The following NCAM2 variants were observed in gnomAD, a reference collection of about 807,000 sequenced individuals.
NCAM2 encodes the protein neural cell adhesion molecule 2.
In NCAM2, 30 loss-of-function variants were observed where a neutral mutation model predicts 98.1. That is an observed-to-expected ratio of 0.31 (90% CI 0.23 to 0.41). The LOEUF (loss-of-function observed/expected upper bound fraction) is 0.41, where lower values mean the gene tolerates loss of function less well. Among genes scored for constraint, NCAM2 ranks in the 10% least tolerant of loss-of-function variants. The pLI is 1.00. For synonymous variants in NCAM2, 368 were observed against 342.4 expected (o/e 1.07, Z -0.83); for missense variants, 867 against 1,005.8 (o/e 0.86, Z 1.87).
At chr21:21,381,532 TTC>T (rs1157021583) in intron 9 of NCAM2, among the ~76,000 whole-genome samples, 1 of 152,178 alleles carries the variant, frequency 6.6e-6, no homozygotes, top group Non-Finnish European at 1.5e-5. Flanking sequence ...TTTTAAGCGA[TTC>T]TATAGGAATT....
At chr21:21,047,836 T>A (rs1363296531) in intron 1 of NCAM2, among the ~76,000 whole-genome samples, 2 of 152,178 alleles carry the variant, frequency 1.3e-5, no homozygotes, top group Non-Finnish European at 1.5e-5. Context: ...AAATTCCTCC[T>A]TAAGAGGTCT....
chr21:21,019,448 C>A (rs1411007205), intron 1 of NCAM2, among the ~76,000 whole-genome samples: 2 of 152,132 alleles, frequency 1.3e-5, no homozygotes, highest in Non-Finnish European at 2.9e-5. Flanking sequence ...AAATCTTGCT[C>A]ATCCACTTGC....
intron 1 of NCAM2, among the ~76,000 whole-genome samples, chr21:21,170,990 T>C (rs1260695948): frequency 6.6e-6 from 1 of 152,210 alleles, no homozygotes; most frequent in East Asian, 1.9e-4. Flanking sequence ...GCCTTTCATT[T>C]AAAGGGTTTT....
chr21:21,282,909 T>C (rs1297094743), intron 2 of NCAM2, among the ~76,000 whole-genome samples: 1 of 151,854 alleles, frequency 6.6e-6, no homozygotes, highest in Non-Finnish European at 1.5e-5. Flanking sequence ...TGTTCTATTA[T>C]ATTAAGAATG....
At chr21:21,337,843 T>C (rs1362330201) in intron 7 of NCAM2, among the ~76,000 whole-genome samples, 1 of 152,054 alleles carries the variant, frequency 6.6e-6, no homozygotes, top group Non-Finnish European at 1.5e-5. Flanking sequence ...ATATATTTAC[T>C]TAGTAAATGT....
intron 5 of NCAM2, 55 bp from the exon 6 acceptor site, chr21:21,324,328 G>C (rs1169152211): frequency 2.4e-6 from 3 of 1,263,372 alleles, no homozygotes; most frequent in Non-Finnish European, 3.3e-6. Flanking sequence ...TTCTCTAAAT[G>C]ATGGTAGTGA....
At chr21:21,054,643 C>T (rs2065178054) in intron 1 of NCAM2, among the ~76,000 whole-genome samples, 1 of 151,794 alleles carries the variant, frequency 6.6e-6, no homozygotes. Context: ...GATGTGATAC[C>T]GATGTCTATT....
chr21:21,258,724 C>T (rs574514102), intron 1 of NCAM2, among the ~76,000 whole-genome samples: 1 of 152,198 alleles, frequency 6.6e-6, no homozygotes, highest in East Asian at 1.9e-4. Context: ...TGGGCCACTG[C>T]CCTCCCCAGG....
At chr21:21,111,433 C>T (rs1490586528) in intron 1 of NCAM2, among the ~76,000 whole-genome samples, 5 of 152,078 alleles carry the variant, frequency 3.3e-5, no homozygotes, top group Non-Finnish European at 5.9e-5. Context: ...CTCTGGGACA[C>T]CCACAATGCG....
intron 1 of NCAM2, among the ~76,000 whole-genome samples, chr21:21,207,267 G>C (rs942190177): frequency 6.6e-6 from 1 of 152,116 alleles, no homozygotes; most frequent in African/African-American, 2.4e-5. Context: ...TTAATTTAAA[G>C]AGTGGGAAAT....
intron 15 of NCAM2, among the ~76,000 whole-genome samples, chr21:21,495,393 T>G (rs1046687650): frequency 6.6e-6 from 1 of 151,992 alleles, no homozygotes; most frequent in Non-Finnish European, 1.5e-5. Flanking sequence ...GGGCATGGAA[T>G]AGGAGAGAAG....
chr21:21,319,132 C>A (rs11700962), intron 5 of NCAM2, among the ~76,000 whole-genome samples: 2,673 of 149,980 alleles, frequency 0.018, 87 homozygotes, highest in East Asian at 0.15. Flanking sequence ...GAAAAACAAA[C>A]AAAAAAAAAT....
chr21:21,408,656 T>A (rs966972840), intron 9 of NCAM2, among the ~76,000 whole-genome samples: 1 of 152,146 alleles, frequency 6.6e-6, no homozygotes, highest in African/African-American at 2.4e-5. Context: ...TATATTGATA[T>A]CTGAGCCCTA....
intron 13 of NCAM2, 67 bp downstream of exon 13, chr21:21,466,792 T>C: frequency 6.8e-7 from 1 of 1,480,592 alleles, no homozygotes; most frequent in Non-Finnish European, 9.2e-7. Context: ...TAATAGATTT[T>C]AAAATGTAGG....
chr21:21,233,145 T>A (rs969633515), intron 1 of NCAM2, among the ~76,000 whole-genome samples: 1 of 151,602 alleles, frequency 6.6e-6, no homozygotes, highest in African/African-American at 2.4e-5. Flanking sequence ...AGAAAGAAGA[T>A]TGATACAAAA....
intron 12 of NCAM2, among the ~76,000 whole-genome samples, chr21:21,435,866 GT>G (rs1381904146): frequency 1.3e-5 from 2 of 152,130 alleles, no homozygotes; most frequent in African/African-American, 2.4e-5. Context: ...GGAAAACCAA[GT>G]TTTTAAGGAT....
intron 1 of NCAM2, among the ~76,000 whole-genome samples, chr21:21,031,155 T>C (rs9981356): frequency 0.81 from 122,783 of 152,066 alleles, 49,798 homozygotes; most frequent in African/African-American, 0.89. Context: ...CTCTTAAAAC[T>C]ACTTTATAAA....
chr21:21,236,629 G>A (rs576708169), intron 1 of NCAM2, among the ~76,000 whole-genome samples: 17 of 151,974 alleles, frequency 1.1e-4, no homozygotes, highest in South Asian at 6.2e-4. Context: ...ATATCCATTC[G>A]TAAATAAAGT....
intron 1 of NCAM2, among the ~76,000 whole-genome samples, chr21:21,113,533 CTTT>C (rs2066494875): frequency 6.6e-6 from 1 of 151,676 alleles, no homozygotes; most frequent in African/African-American, 2.4e-5. Context: ...AAACTAGTTG[CTTT>C]TTGTTTCTTT....
Sources: allele counts gnomAD v4.1 joint callset (sites outside exome capture counted in the v4.1 genomes callset), GRCh38; gene constraint gnomAD v4.1.1; transcripts MANE v1.5; gene names NCBI Gene and HGNC (gene_info 2026-07-23, HGNC 2026-07-21).